NFIA: variants seen among roughly 807,000 people sequenced by gnomAD.
NFIA encodes nuclear factor I A.
In NFIA, 8 loss-of-function variants were observed where a neutral mutation model predicts 62.8. That is an observed-to-expected ratio of 0.13 (90% CI 0.07 to 0.23). NFIA has a LOEUF of 0.23. NFIA is among the 10% of genes least tolerant of loss of function. The pLI, the probability that NFIA is intolerant of heterozygous loss-of-function variation, is 1.00. For synonymous variants in NFIA, 235 were observed against 238.1 expected, an observed-to-expected ratio of 0.99 and a Z score of 0.12; for missense variants, 410 against 642.1, an observed-to-expected ratio of 0.64 and a Z score of 3.91.
chr1:61,139,567 C>T (rs1406914199), intron 2 of NFIA, among the ~76,000 whole-genome samples: 2 of 152,184 alleles, frequency 1.3e-5, no homozygotes, highest in Non-Finnish European at 2.9e-5. Flanking sequence ...GTAGCTGATA[C>T]AGATCAGCAT....
chr1:61,449,892 A>G (rs1165806986), intron 10 of NFIA, among the ~76,000 whole-genome samples: 4 of 152,178 alleles, frequency 2.6e-5, no homozygotes, highest in African/African-American at 9.7e-5. Context: ...ACCAGTGTAA[A>G]TCACTGCTGC....
chr1:61,079,758 T>C (rs1646073152), upstream of NFIA, among the ~76,000 whole-genome samples: 1 of 152,216 alleles, frequency 6.6e-6, no homozygotes, highest in South Asian at 2.1e-4. Context: ...TCAAGTGCCT[T>C]AGTATCTTTG....
chr1:61,456,081 A>G lies in NFIA; in HGVS notation c.*761A>G, dbSNP rs981978865. ...CAACATTTTTTCAACAATTTCAACA[A>G]TGACACAAAAATTCACATGGAAATG... is the stretch of plus-strand genomic sequence containing the variant. On this transcript the variant is annotated 3_prime_UTR_variant, in exon 11 of 11. Transcript: ENST00000403491. The G allele has an allele frequency of 4.6e-5, 7 of 152,638 alleles. No individual in the cohort carries two copies. The highest frequency in any genetic ancestry group is 1.7e-4 in the African/African-American group (7 of 41,464). The allele number at this position is 152,638 out of a possible 1,614,324, so 9.5% of individuals were successfully genotyped here.
At chr1:61,285,537 T>A (rs116698160) in intron 3 of NFIA, among the ~76,000 whole-genome samples, 2 of 152,196 alleles carry the variant, frequency 1.3e-5, no homozygotes, top group Non-Finnish European at 2.9e-5. Flanking sequence ...ACAAGGATTT[T>A]TGGCACCTTT....
intron 3 of NFIA, among the ~76,000 whole-genome samples, chr1:61,330,697 T>C (rs949290481): frequency 6.6e-5 from 10 of 152,178 alleles, no homozygotes; most frequent in African/African-American, 2.4e-4. Context: ...ATTCACGCTA[T>C]ACAGAAATTC....
At chr1:61,117,666 C>T (rs941039237) in intron 2 of NFIA, among the ~76,000 whole-genome samples, 1 of 152,182 alleles carries the variant, frequency 6.6e-6, no homozygotes, top group African/African-American at 2.4e-5. Flanking sequence ...TCGTATATTT[C>T]ACTAATAATC....
chr1:61,242,150 T>C (rs568957518), intron 2 of NFIA, among the ~76,000 whole-genome samples: 1 of 152,340 alleles, frequency 6.6e-6, no homozygotes, highest in South Asian at 2.1e-4. Context: ...AATTAAAACA[T>C]ACTGCTGTTA....
chr1:61,371,020 C>T lies in NFIA; in HGVS notation c.946+11746C>T, dbSNP rs577322930. ...AAATCACTTAACTATGATTAGCTTC[C>T]AAGATTAGTGAATTCTAGGATAGCA... On this transcript the variant is annotated intron_variant, in intron 6 of 10. Transcript: ENST00000403491. 2.2e-3 allele frequency among the ~76,000 whole-genome samples: 329 copies of T among 152,178 alleles called. 2 individuals carry two copies. The highest frequency in any genetic ancestry group is 7.7e-3 in the African/African-American group (318 of 41,540).
At chr1:61,404,984 C>T (rs566037510) in intron 8 of NFIA, among the ~76,000 whole-genome samples, 3 of 152,266 alleles carry the variant, frequency 2.0e-5, no homozygotes, top group Middle Eastern at 6.8e-3. Flanking sequence ...TAGATGTTTA[C>T]AGTGGAAAGC....
chr1:61,429,780 T>C (rs1245789048), intron 10 of NFIA, among the ~76,000 whole-genome samples: 1 of 152,152 alleles, frequency 6.6e-6, no homozygotes, highest in African/African-American at 2.4e-5. Context: ...CGTGGATGAA[T>C]CTTGAAGACA....
chr1:61,330,564 G>A (rs1661249182), intron 3 of NFIA, among the ~76,000 whole-genome samples: 1 of 151,848 alleles, frequency 6.6e-6, no homozygotes, highest in Non-Finnish European at 1.5e-5. Flanking sequence ...GGAGAGGGTG[G>A]TAATTTGAAT....
intron 2 of NFIA, among the ~76,000 whole-genome samples, chr1:61,225,313 C>T (rs1315620349): frequency 6.6e-6 from 1 of 151,704 alleles, no homozygotes; most frequent in Non-Finnish European, 1.5e-5. Context: ...TGCAGTGGCC[C>T]AATCTCAGCT....
intron 9 of NFIA, among the ~76,000 whole-genome samples, chr1:61,416,700 G>A (rs1175793345): frequency 6.6e-6 from 1 of 152,016 alleles, no homozygotes; most frequent in African/African-American, 2.4e-5. Flanking sequence ...ATTTTGATAG[G>A]TATTTTCATA....
At chr1:61,138,484 A>G (rs1647262710) in intron 2 of NFIA, among the ~76,000 whole-genome samples, 1 of 152,186 alleles carries the variant, frequency 6.6e-6, no homozygotes, top group African/African-American at 2.4e-5. Flanking sequence ...GGTAGAAAGA[A>G]TCTTTGTTGC....
chr1:61,273,049 A>G (rs984290646), intron 2 of NFIA, among the ~76,000 whole-genome samples: 1 of 152,186 alleles, frequency 6.6e-6, no homozygotes, highest in Non-Finnish European at 1.5e-5. Flanking sequence ...TATGGTCCAT[A>G]GACTTTGGTT....
rs761596047 is a variant in NFIA at position 61,404,204 on chromosome 1, T to G, written c.1176T>G (p.Pro392=). 1.2e-6 allele frequency: 2 copies of G among 1,614,208 alleles called. No individual in the cohort carries two copies. The highest frequency in any genetic ancestry group is 1.1e-5 in the South Asian group (1 of 91,076). The change falls in exon 8 of 11, where the codon CCT becomes CCG. Residue 392 remains proline (P), a synonymous_variant. Transcript: ENST00000403491. ...CACACCCAGCCATCCGCTATCACCC[T>G]CAGGAGACGCTGAAAGAATTTGTCC... ...YFSHPAIRYH[P]QETLKEFVQL...
intron 4 of NFIA, among the ~76,000 whole-genome samples, chr1:61,349,879 C>T (rs1662457708): frequency 6.6e-6 from 1 of 152,290 alleles, no homozygotes; most frequent in Middle Eastern, 3.4e-3. Context: ...AGGCGTGAGC[C>T]ACCACACGTG....
At chr1:61,313,792 C>T (rs1660233929) in intron 3 of NFIA, among the ~76,000 whole-genome samples, 1 of 152,188 alleles carries the variant, frequency 6.6e-6, no homozygotes, top group African/African-American at 2.4e-5. Flanking sequence ...TCTTCCAAAC[C>T]TGTTCTAAGT....
intron 3 of NFIA, among the ~76,000 whole-genome samples, chr1:61,310,471 G>A (rs1352902970): frequency 6.6e-6 from 1 of 152,188 alleles, no homozygotes; most frequent in African/African-American, 2.4e-5. Context: ...TGCCTGGGGA[G>A]GAAGCACCTT....
Sources: gnomAD v4.1 joint callset for allele counts (sites outside exome capture counted in the v4.1 genomes callset) on GRCh38, gnomAD v4.1.1 for gene constraint, MANE v1.5 for transcripts, NCBI Gene and HGNC (gene_info 2026-07-23, HGNC 2026-07-21) for gene names.